CFAP70: variants seen among roughly 807,000 people sequenced by gnomAD.
CFAP70 encodes cilia and flagella associated protein 70, also known as cilia- and flagella-associated protein 70.
A neutral mutation model predicts 137.6 loss-of-function variants in CFAP70; 81 were observed. The ratio of observed to expected loss-of-function variants is 0.59; its 90% CI spans 0.49 to 0.71. The LOEUF (loss-of-function observed/expected upper bound fraction) is 0.71, where lower values mean the gene tolerates loss of function less well. Among genes scored for constraint, CFAP70 ranks in the 30% least tolerant of loss-of-function variants. The pLI is 0.00. For synonymous variants in CFAP70, 382 were observed against 423.6 expected (o/e 0.90, Z 1.20); for missense variants, 976 against 1,226.7 (o/e 0.80, Z 3.05).
intron 19 of CFAP70, among the ~76,000 whole-genome samples, chr10:73,282,415 G>A (rs920979479): frequency 3.4e-4 from 52 of 152,048 alleles, no homozygotes; most frequent in African/African-American, 1.2e-3. Flanking sequence ...TCCCAGGCGG[G>A]CCACACCAAA....
Position 73,348,631 on chromosome 10 carries a change from C to T in CFAP70, c.251-110G>A, listed in dbSNP as rs367936432. The T allele has an allele frequency of 8.8e-4, 643 of 727,038 alleles. 2 individuals are homozygous for T. Among genetic ancestry groups the T allele is most frequent in the African/African-American group, 7.9e-3 (449 of 56,516 alleles). 45.0% of individuals were successfully genotyped at this position (727,038 alleles called of 1,614,324 possible). On this transcript the variant is annotated intron_variant, in intron 3 of 26. Coordinates refer to ENST00000310715, the Ensembl canonical transcript of CFAP70. ...GATATGTAAGTTAAAAAAAAATAAACTTGAAAGTACAGAAGGCACCAACAT... is the reference window on the plus strand; with the variant it reads ...GATATGTAAGTTAAAAAAAAATAAATTTGAAAGTACAGAAGGCACCAACAT...
chr10:73,311,973 A>G lies in CFAP70; in HGVS notation c.1084-59T>C. 15 of 1,282,640 alleles carry G rather than the reference A, an allele frequency of 1.2e-5. No individual in the cohort carries two copies. The South Asian group carries it at 1.7e-4, about 14-fold the overall frequency. The allele number at this position is 1,282,640 out of a possible 1,614,324, so 79.5% of individuals were successfully genotyped here. The stretch of plus-strand genomic sequence containing the variant: ...TTCCTACACAGTCTTCATAGTGACA[A>G]GAACAATGTTCTCTACACTGCATCA... On this transcript the variant is annotated intron_variant, in intron 10 of 26. Coordinates refer to ENST00000310715, the Ensembl canonical transcript of CFAP70.
At chr10:73,353,013 T>G (rs1045894808) in intron 3 of CFAP70, among the ~76,000 whole-genome samples, 8 of 152,240 alleles carry the variant, frequency 5.3e-5, no homozygotes, top group African/African-American at 1.7e-4. Flanking sequence ...GATCCTTTGA[T>G]CTATGGTAGG....
At chr10:73,350,322 T>TTTGGGGTG (rs2054086199) in intron 3 of CFAP70, among the ~76,000 whole-genome samples, 1 of 152,232 alleles carries the variant, frequency 6.6e-6, no homozygotes, top group African/African-American at 2.4e-5. Flanking sequence ...TTTGATATGT[T>TTTGGGGTG]ATCAAACTCT....
chr10:73,331,101 C>G, intron 8 of CFAP70, 76 bp downstream of exon 9: 1 of 1,006,984 alleles, frequency 9.9e-7, no homozygotes, highest in Non-Finnish European at 1.5e-6. Flanking sequence ...CTTTTGGTAT[C>G]AGAATTGAAG....
At chr10:73,296,865 A>G (rs1464354277) in intron 15 of CFAP70, 177 bp downstream of exon 16, 4 of 502,774 alleles carry the variant, frequency 8.0e-6, no homozygotes, top group Non-Finnish European at 1.3e-5. Context: ...TTTTTCCAAA[A>G]TTAGTCTTAA....
chr10:73,304,111 C>T (rs2049179553), intron 12 of CFAP70, among the ~76,000 whole-genome samples: 1 of 151,676 alleles, frequency 6.6e-6, no homozygotes, highest in Non-Finnish European at 1.5e-5. Flanking sequence ...GGCTGGAGTG[C>T]AATGGCATGA....
intron 25 of CFAP70, among the ~76,000 whole-genome samples, chr10:73,262,046 TTATATATTATATATGTATATATG>T (rs1195311368): frequency 8.3e-5 from 12 of 143,932 alleles, no homozygotes; most frequent in South Asian, 4.4e-4. Flanking sequence ...TATGTATATA[TTATATATTATATATGTATATATG>T]TATATATTAT....
intron 20 of CFAP70, 68 bp downstream of exon 21, chr10:73,278,111 T>C: frequency 6.6e-7 from 1 of 1,506,856 alleles, no homozygotes; most frequent in Admixed American, 1.8e-5. Flanking sequence ...CATTTCATCA[T>C]CGTAAGAGTC....
intron 25 of CFAP70, among the ~76,000 whole-genome samples, chr10:73,268,189 A>G (rs1237412146): frequency 1.3e-5 from 2 of 152,206 alleles, no homozygotes; most frequent in African/African-American, 4.8e-5. Context: ...CATCTTTAGA[A>G]TTCTACCTAG....
At chr10:73,352,215 C>G (rs2054333288) in intron 3 of CFAP70, among the ~76,000 whole-genome samples, 1 of 152,194 alleles carries the variant, frequency 6.6e-6, no homozygotes, top group African/African-American at 2.4e-5. Flanking sequence ...GAAGGGGACT[C>G]ATTACTAGAG....
At position 73,291,310 on chromosome 10, in the gene CFAP70, C is replaced by A. The variant is rs201746799; in HGVS notation, c.2155G>T (p.Glu719Ter). ...AAACTAGATTCTCTCTTCCCTCTTTCCTCAGTGTCTTCTACACCAGTGCTC... is the reference window on the plus strand; with the variant it reads ...AAACTAGATTCTCTCTTCCCTCTTTACTCAGTGTCTTCTACACCAGTGCTC... Residue 719 changes from glutamate (E) to a stop codon, truncating the protein, a stop_gained, in exon 19 of 27, where the codon GAA becomes TAA. Coordinates refer to ENST00000310715, the Ensembl canonical transcript of CFAP70. LOFTEE classifies it high-confidence loss of function. The A allele has an allele frequency of 6.2e-7, 1 of 1,614,204 alleles. No homozygotes were observed. Among genetic ancestry groups the A allele is most frequent in the East Asian group, 2.2e-5 (1 of 44,882 alleles).
Position 73,348,125 on chromosome 10 carries a change from C to A in CFAP70, c.349+298G>T. 1.3e-6 allele frequency: 2 copies of A among 1,596,172 alleles called. 1 individual carries two copies. Among genetic ancestry groups the A allele is most frequent in the Non-Finnish European group, 1.7e-6 (2 of 1,163,784 alleles). On this transcript the variant is annotated intron_variant, in intron 4 of 26. Transcript: ENST00000310715. Reference sequence around the variant, plus strand: ...CAGAATTGTTACATTGAATGGCAGGCTGAAATGTTGAGAGCTAAAACTCTG... The same window carrying A: ...CAGAATTGTTACATTGAATGGCAGGATGAAATGTTGAGAGCTAAAACTCTG...
At position 73,304,766 on chromosome 10, in the gene CFAP70, C is replaced by T. The variant is rs922035285; in HGVS notation, c.1257-5101G>A. ...TTCATCTTTCTTTGAGTATAATGCTCCTCACATCAAGAGGTAAAGTCTAGA... is the reference window on the plus strand; with the variant it reads ...TTCATCTTTCTTTGAGTATAATGCTTCTCACATCAAGAGGTAAAGTCTAGA... On this transcript the variant is annotated intron_variant, in intron 12 of 26. Coordinates refer to ENST00000310715, the Ensembl canonical transcript of CFAP70. Among the ~76,000 whole-genome samples the T allele has an allele frequency of 7.9e-5, 12 of 151,702 alleles. 1 individual carries two copies. The highest frequency in any genetic ancestry group is 2.9e-4 in the African/African-American group (12 of 41,292).
At chr10:73,307,892 C>T (rs902172068) in intron 12 of CFAP70, among the ~76,000 whole-genome samples, 7 of 148,022 alleles carry the variant, frequency 4.7e-5, no homozygotes, top group African/African-American at 1.8e-4. Context: ...TGCCTGTAAT[C>T]CTAGCACTTT....
chr10:73,307,246 C>G (rs530745850), intron 12 of CFAP70, among the ~76,000 whole-genome samples: 1 of 152,048 alleles, frequency 6.6e-6, no homozygotes, highest in African/African-American at 2.4e-5. Context: ...ATCCAAATGG[C>G]ATACTGCAAA....
intron 7 of CFAP70, among the ~76,000 whole-genome samples, chr10:73,332,509 T>A (rs1343661009): frequency 6.6e-6 from 1 of 152,158 alleles, no homozygotes; most frequent in Non-Finnish European, 1.5e-5. Context: ...GAAAAAAAGA[T>A]TATCAAACAC....
chr10:73,299,795 G>C (rs1248935212), intron 12 of CFAP70, 130 bp from the exon 14 acceptor site: 2 of 624,462 alleles, frequency 3.2e-6, no homozygotes, highest in Non-Finnish European at 5.3e-6. Flanking sequence ...CACTGCACTT[G>C]AGCACTGTGC....
intron 6 of CFAP70, among the ~76,000 whole-genome samples, chr10:73,338,631 A>AT (rs2052939225): frequency 6.9e-6 from 1 of 145,186 alleles, no homozygotes; most frequent in African/African-American, 2.6e-5. Flanking sequence ...GGGTTTCACC[A>AT]TATTGTCCAG....
Sources: gnomAD v4.1 joint callset for allele counts (sites outside exome capture counted in the v4.1 genomes callset) on GRCh38, gnomAD v4.1.1 for gene constraint, MANE v1.5 for transcripts, NCBI Gene and HGNC (gene_info 2026-07-23, HGNC 2026-07-21) for gene names.